CDH13: variants seen among roughly 807,000 people sequenced by gnomAD.
The protein encoded by CDH13 is cadherin 13.
In CDH13, 24 loss-of-function variants were observed where a neutral mutation model predicts 63.8. The ratio of observed to expected loss-of-function variants is 0.38; its 90% CI spans 0.27 to 0.53. CDH13 has a LOEUF of 0.53. CDH13 is among the 20% of genes least tolerant of loss of function. The pLI is 0.85. For missense variants in CDH13, 1,049 were observed against 903.1 expected (o/e 1.16, Z -2.07); for synonymous variants, 503 against 355.3 (o/e 1.42, Z -4.67).
intron 1 of CDH13, among the ~76,000 whole-genome samples, chr16:82,717,836 A>C (rs1161999207): frequency 6.6e-6 from 1 of 150,520 alleles, no homozygotes; most frequent in Non-Finnish European, 1.5e-5. Context: ...ATCATTATTC[A>C]GCCTACTGTA....
intron 3 of CDH13, among the ~76,000 whole-genome samples, chr16:83,063,553 G>A (rs1216448767): frequency 6.6e-6 from 1 of 152,208 alleles, no homozygotes; most frequent in African/African-American, 2.4e-5. Context: ...AGATGATTTA[G>A]CTGAAGATAT....
At chr16:82,681,711 C>A (rs935671333) in intron 1 of CDH13, among the ~76,000 whole-genome samples, 1 of 152,232 alleles carries the variant, frequency 6.6e-6, no homozygotes, top group African/African-American at 2.4e-5. Context: ...GCCTGTGTTT[C>A]TCTGCCTGAG....
At chr16:83,310,847 A>G (rs2089984131) in intron 5 of CDH13, among the ~76,000 whole-genome samples, 1 of 152,230 alleles carries the variant, frequency 6.6e-6, no homozygotes, top group African/African-American at 2.4e-5. Flanking sequence ...GACTAGAGAA[A>G]GGAACCCTCC....
chr16:83,072,544 TG>T (rs1358100844), intron 3 of CDH13, among the ~76,000 whole-genome samples: 1 of 152,196 alleles, frequency 6.6e-6, no homozygotes, highest in African/African-American at 2.4e-5. Context: ...GAGATGTTTG[TG>T]TGTTTTTGTC....
chr16:83,501,746 C>T (rs2074288671), intron 7 of CDH13, among the ~76,000 whole-genome samples: 3 of 152,182 alleles, frequency 2.0e-5, no homozygotes, highest in Admixed American at 2.0e-4. Context: ...TATCCACTCC[C>T]TTGGGCTATT....
At chr16:83,743,847 C>G (rs945420695) in intron 10 of CDH13, among the ~76,000 whole-genome samples, 2 of 144,378 alleles carry the variant, frequency 1.4e-5, no homozygotes, top group African/African-American at 2.6e-5. Flanking sequence ...CCGTCTGCGT[C>G]CAGGCACTCT....
At chr16:83,375,883 G>A (rs192938145) in intron 6 of CDH13, among the ~76,000 whole-genome samples, 1 of 152,284 alleles carries the variant, frequency 6.6e-6, no homozygotes, top group Admixed American at 6.5e-5. Flanking sequence ...AGTAGAAAGG[G>A]CTGGAAAGGC....
chr16:83,202,443 G>T (rs1395305034), intron 4 of CDH13, among the ~76,000 whole-genome samples: 1 of 152,132 alleles, frequency 6.6e-6, no homozygotes, highest in East Asian at 1.9e-4. Flanking sequence ...TTTAATCAGG[G>T]CATGATCCAA....
chr16:83,696,010 C>G (rs1905350739), intron 10 of CDH13, among the ~76,000 whole-genome samples: 1 of 152,030 alleles, frequency 6.6e-6, no homozygotes, highest in African/African-American at 2.4e-5. Context: ...CCACCTCAGC[C>G]TCCTGAATAG....
At chr16:83,370,399 A>C (rs868699038) in intron 6 of CDH13, among the ~76,000 whole-genome samples, 1 of 151,906 alleles carries the variant, frequency 6.6e-6, no homozygotes, top group African/African-American at 2.4e-5. Context: ...AAAAAAAAAA[A>C]AAAAACTTCC....
At chr16:83,096,452 A>G (rs917377460) in intron 3 of CDH13, among the ~76,000 whole-genome samples, 2 of 152,212 alleles carry the variant, frequency 1.3e-5, no homozygotes, top group African/African-American at 4.8e-5. Flanking sequence ...TCCTCTCTGT[A>G]CCATAGCTAA....
chr16:82,879,027 A>G (rs746096461), intron 2 of CDH13, among the ~76,000 whole-genome samples: 1 of 151,970 alleles, frequency 6.6e-6, no homozygotes, highest in Non-Finnish European at 1.5e-5. Flanking sequence ...TACATCCATG[A>G]TGTATATTTC....
At chr16:82,697,423 C>CTTTTTTTTTTTTT (rs34376129) in intron 1 of CDH13, among the ~76,000 whole-genome samples, 10 of 54,884 alleles carry the variant, frequency 1.8e-4, no homozygotes, top group Admixed American at 2.7e-4. Context: ...TTTCTTTTTT[C>CTTTTTTTTTTTTT]TTTTTTTTTT....
chr16:82,780,568 C>A (rs139341966), intron 1 of CDH13, among the ~76,000 whole-genome samples: 1 of 152,294 alleles, frequency 6.6e-6, no homozygotes, highest in Non-Finnish European at 1.5e-5. Flanking sequence ...TAATTTTCAT[C>A]TTATCCCATT....
At chr16:83,147,035 A>T (rs1419361670) in intron 4 of CDH13, among the ~76,000 whole-genome samples, 1 of 152,126 alleles carries the variant, frequency 6.6e-6, no homozygotes, top group Non-Finnish European at 1.5e-5. Flanking sequence ...CTACAGTGAG[A>T]TGAGATCACG....
chr16:83,060,978 T>G (rs936373778), intron 3 of CDH13, among the ~76,000 whole-genome samples: 1 of 152,166 alleles, frequency 6.6e-6, no homozygotes, highest in Non-Finnish European at 1.5e-5. Context: ...TGACTCTCAC[T>G]CCTACACTCC....
intron 10 of CDH13, among the ~76,000 whole-genome samples, chr16:83,730,014 A>G (rs1355061210): frequency 6.6e-6 from 1 of 152,234 alleles, no homozygotes; most frequent in African/African-American, 2.4e-5. Flanking sequence ...GTGGACCCTC[A>G]CGGTGCTATA....
intron 5 of CDH13, among the ~76,000 whole-genome samples, chr16:83,237,483 A>C (rs1904275359): frequency 6.6e-6 from 1 of 152,258 alleles, no homozygotes; most frequent in Non-Finnish European, 1.5e-5. Context: ...AAGGAAGCCA[A>C]ATAGATAGTA....
At position 83,728,073 on chromosome 16, in the gene CDH13, T is replaced by C. The variant is rs150264731; in HGVS notation, c.1539-20035T>C. Among the ~76,000 whole-genome samples, 15 of 152,304 alleles carry C rather than the reference T, an allele frequency of 9.8e-5. No homozygotes were observed. In the East Asian group the frequency reaches 2.1e-3, roughly 22 times the overall value. On this transcript the variant is annotated intron_variant, in intron 10 of 13. Transcript: ENST00000567109. The stretch of plus-strand genomic sequence containing the variant: ...CACAGCTCCTCTGAGGAGTCTGTTA[T>C]GCGGCAACACATACTCAGATGTGGA...
Sources: allele counts gnomAD v4.1 joint callset (sites outside exome capture counted in the v4.1 genomes callset), GRCh38; gene constraint gnomAD v4.1.1; transcripts MANE v1.5; gene names NCBI Gene and HGNC (gene_info 2026-07-23, HGNC 2026-07-21).